The following PRICKLE2 variants were observed in gnomAD, a reference collection of about 807,000 sequenced individuals.
The protein encoded by PRICKLE2 is prickle planar cell polarity protein 2, also known as prickle-like protein 2.
A neutral mutation model predicts 81.4 loss-of-function variants in PRICKLE2; 21 were observed. The ratio of observed to expected loss-of-function variants is 0.26; its 90% confidence interval spans 0.18 to 0.37. The LOEUF (loss-of-function observed/expected upper bound fraction) is 0.37, where lower values mean the gene tolerates loss of function less well. PRICKLE2 is among the 10% of genes least tolerant of loss of function. The pLI is 1.00. For missense variants in PRICKLE2, 940 were observed against 1,109.0 expected, an observed-to-expected ratio of 0.85 and a Z score of 2.16; for synonymous variants, 456 against 421.5, an observed-to-expected ratio of 1.08 and a Z score of -1.00.
chr3:64,149,750 C>T (rs1197453178), intron 6 of PRICKLE2, among the ~76,000 whole-genome samples: 1 of 152,192 alleles, frequency 6.6e-6, no homozygotes, highest in Non-Finnish European at 1.5e-5. Flanking sequence ...TACCTTTCTC[C>T]TCCCTGACTC....
At chr3:64,244,072 C>A (rs540946123) in intron 2 of PRICKLE2, among the ~76,000 whole-genome samples, 6 of 152,268 alleles carry the variant, frequency 3.9e-5, no homozygotes, top group Admixed American at 1.3e-4. Context: ...TCAAAGACAA[C>A]AGAAAAACTA....
intron 5 of PRICKLE2, chr3:64,154,383 C>CA (rs71281392): frequency 0.24 from 34,684 of 142,630 alleles, 4,399 homozygotes; most frequent in African/African-American, 0.28. Flanking sequence ...ATTAAAAATA[C>CA]AAAAAAAAAA....
chr3:64,156,087 C>T (rs2077631221), intron 5 of PRICKLE2, among the ~76,000 whole-genome samples: 1 of 152,164 alleles, frequency 6.6e-6, no homozygotes, highest in Non-Finnish European at 1.5e-5. Flanking sequence ...TTAGACAACA[C>T]AAAGCTGTAT....
At chr3:64,104,990 C>A (rs1269660542) in intron 7 of PRICKLE2, among the ~76,000 whole-genome samples, 4 of 152,144 alleles carry the variant, frequency 2.6e-5, no homozygotes, top group Non-Finnish European at 5.9e-5. Context: ...GACCTTAAGG[C>A]CCTACGTGAC....
rs569709347 is a variant in PRICKLE2 at position 64,115,086 on chromosome 3, T to A, written c.1661-15161A>T. On this transcript the variant is annotated intron_variant, in intron 7 of 7. Transcript: ENST00000638394. ...AAAGAAATTCCAACCCAGAATTTCA[T>A]ATCCGGCCAAACTAAGATTCATAAG... 2.0e-5 allele frequency among the ~76,000 whole-genome samples: 3 copies of A among 152,318 alleles called. No homozygotes were observed. The East Asian group carries it at 5.8e-4, about 29-fold the overall frequency.
At chr3:64,252,014 A>G (rs1265352917) in intron 2 of PRICKLE2, among the ~76,000 whole-genome samples, 1 of 152,190 alleles carries the variant, frequency 6.6e-6, no homozygotes, top group Non-Finnish European at 1.5e-5. Flanking sequence ...CTGTCTGGTC[A>G]GACCTTCCTA....
intron 1 of PRICKLE2, among the ~76,000 whole-genome samples, chr3:64,217,790 G>T (rs1340327018): frequency 6.6e-6 from 1 of 152,168 alleles, no homozygotes; most frequent in African/African-American, 2.4e-5. Context: ...AAGGAGACTG[G>T]AGCATGGTGA....
intron 2 of PRICKLE2, among the ~76,000 whole-genome samples, chr3:64,266,017 C>T (rs2079701395): frequency 6.6e-6 from 1 of 152,114 alleles, no homozygotes; most frequent in Admixed American, 6.5e-5. Context: ...CTTGTTGATG[C>T]AGAGGCTTGA....
upstream of PRICKLE2, among the ~76,000 whole-genome samples, chr3:64,227,572 A>G (rs758820397): frequency 3.9e-5 from 6 of 152,218 alleles, no homozygotes; most frequent in African/African-American, 1.4e-4. Context: ...TACCAACTTC[A>G]TAAGAATTAA....
At chr3:64,249,952 G>T (rs1276701725) in intron 2 of PRICKLE2, among the ~76,000 whole-genome samples, 1 of 152,186 alleles carries the variant, frequency 6.6e-6, no homozygotes, top group African/African-American at 2.4e-5. Context: ...TGGTGAGATG[G>T]TTTGACAGAA....
chr3:64,102,104 A>C (rs1401044756), intron 7 of PRICKLE2: 4 of 152,232 alleles, frequency 2.6e-5, no homozygotes, highest in African/African-American at 9.7e-5. Context: ...TGTTATGAAA[A>C]AAGGGACTGT....
At chr3:64,207,292 A>T (rs186827053) in intron 1 of PRICKLE2, among the ~76,000 whole-genome samples, 55 of 152,352 alleles carry the variant, frequency 3.6e-4, no homozygotes, top group Non-Finnish European at 6.3e-4. Flanking sequence ...CTTAAAAAGC[A>T]ATATACAACT....
chr3:64,266,038 G>A (rs1396468240), intron 2 of PRICKLE2, among the ~76,000 whole-genome samples: 1 of 152,134 alleles, frequency 6.6e-6, no homozygotes, highest in Non-Finnish European at 1.5e-5. Context: ...AAGCCTGTGT[G>A]AGATTGAGGG....
intron 2 of PRICKLE2, among the ~76,000 whole-genome samples, chr3:64,165,259 C>A (rs17720998): frequency 2.2e-3 from 327 of 152,030 alleles, no homozygotes; most frequent in African/African-American, 7.5e-3. Context: ...CTTTCTGATA[C>A]TGTCTAAGGC....
chr3:64,139,670 T>G (rs2077330542), intron 7 of PRICKLE2, among the ~76,000 whole-genome samples: 1 of 152,202 alleles, frequency 6.6e-6, no homozygotes, highest in Non-Finnish European at 1.5e-5. Context: ...TTGCCCTTAT[T>G]AGAAAGGCCT....
chr3:64,109,966 C>A (rs1286285724), intron 7 of PRICKLE2, among the ~76,000 whole-genome samples: 1 of 152,164 alleles, frequency 6.6e-6, no homozygotes, highest in East Asian at 1.9e-4. Flanking sequence ...CTATTAACTT[C>A]CGGATAAATC....
chr3:64,224,546 T>G (rs1316907301), intron 1 of PRICKLE2, among the ~76,000 whole-genome samples: 1 of 152,238 alleles, frequency 6.6e-6, no homozygotes, highest in African/African-American at 2.4e-5. Flanking sequence ...TGACATCATG[T>G]GTTGAAATGA....
chr3:64,161,465 ATT>A (rs1288148976), intron 3 of PRICKLE2, among the ~76,000 whole-genome samples: 2 of 152,156 alleles, frequency 1.3e-5, no homozygotes, highest in African/African-American at 4.8e-5. Context: ...GGATATCAAA[ATT>A]GTCTTATCTA....
intron 7 of PRICKLE2, among the ~76,000 whole-genome samples, chr3:64,135,440 G>C (rs1360450089): frequency 2.6e-5 from 4 of 152,140 alleles, no homozygotes; most frequent in Non-Finnish European, 5.9e-5. Context: ...ACCTGCCTTA[G>C]CTAAATGGAT....
Sources: allele counts gnomAD v4.1 joint callset (sites outside exome capture counted in the v4.1 genomes callset), GRCh38; gene constraint gnomAD v4.1.1; transcripts MANE v1.5; gene names NCBI Gene and HGNC (gene_info 2026-07-23, HGNC 2026-07-21).